RFX4: variants seen among roughly 807,000 people sequenced by gnomAD.
RFX4 encodes transcription factor RFX4.
Under a neutral mutation model 95.0 loss-of-function variants are expected in RFX4, and 10 were observed. The observed-to-expected ratio is 0.11, with a 90% confidence interval of 0.06 to 0.18. The LOEUF is 0.18. RFX4 is among the 10% of genes least tolerant of loss of function. The pLI, the probability that RFX4 is intolerant of heterozygous loss-of-function variation, is 1.00. For synonymous variants in RFX4, 321 were observed against 340.7 expected (o/e 0.94, Z 0.64); for missense variants, 640 against 922.0 (o/e 0.69, Z 3.96).
chr12:106,618,731 T>C (rs2040123556), intron 2 of RFX4, among the ~76,000 whole-genome samples: 1 of 152,208 alleles, frequency 6.6e-6, no homozygotes, highest in African/African-American at 2.4e-5. Context: ...ACCATTTAAA[T>C]TTAATATTGT....
At chr12:106,715,740 C>T (rs940723188) in intron 11 of RFX4, among the ~76,000 whole-genome samples, 196 bp downstream of exon 11, 1 of 152,194 alleles carries the variant, frequency 6.6e-6, no homozygotes, top group Non-Finnish European at 1.5e-5. Flanking sequence ...TGTGTCAACA[C>T]TGCTGGGTAA....
At chr12:106,609,145 T>C (rs1425838968) in intron 2 of RFX4, among the ~76,000 whole-genome samples, 3 of 152,236 alleles carry the variant, frequency 2.0e-5, no homozygotes, top group African/African-American at 7.2e-5. Flanking sequence ...CTAGCCTGCA[T>C]TCCCAAAAAC....
intron 8 of RFX4, among the ~76,000 whole-genome samples, chr12:106,708,622 G>A (rs1477076755): frequency 6.6e-6 from 1 of 152,130 alleles, no homozygotes; most frequent in Non-Finnish European, 1.5e-5. Flanking sequence ...CCCTGTGTCT[G>A]GCACAACCAA....
Position 106,705,081 on chromosome 12 carries a change from T to C in RFX4, c.834-4249T>C, listed in dbSNP as rs577301732. On this transcript the variant is annotated intron_variant, in intron 8 of 17. Coordinates refer to ENST00000392842, the MANE Select transcript of RFX4 (RefSeq NM_213594.3). ...ACTCCTGGCTCTGCCACTTGCTGCATCTCTTTGGACAAGTAAAATAACTTT... is the reference window on the plus strand; with the variant it reads ...ACTCCTGGCTCTGCCACTTGCTGCACCTCTTTGGACAAGTAAAATAACTTT... 2.6e-5 allele frequency among the ~76,000 whole-genome samples: 4 copies of C among 152,334 alleles called. No individual in the cohort carries two copies. The East Asian group carries it at 7.7e-4, about 29-fold the overall frequency.
intron 10 of RFX4, among the ~76,000 whole-genome samples, chr12:106,713,264 T>C (rs570990547): frequency 6.6e-6 from 1 of 152,298 alleles, no homozygotes; most frequent in Non-Finnish European, 1.5e-5. Context: ...ACGTCCAGGC[T>C]CTTTCAGATA....
chr12:106,614,525 T>C (rs550642404), intron 2 of RFX4, among the ~76,000 whole-genome samples: 1 of 106,094 alleles, frequency 9.4e-6, no homozygotes, highest in Admixed American at 1.0e-4. Flanking sequence ...GTGTGTTTGG[T>C]TGAGAAGGAG....
At chr12:106,623,110 C>T (rs1366698556) in intron 2 of RFX4, among the ~76,000 whole-genome samples, 1 of 146,982 alleles carries the variant, frequency 6.8e-6, no homozygotes, top group African/African-American at 2.5e-5. Flanking sequence ...ATGAAATCGG[C>T]TCACTGCAAG....
chr12:106,636,583 T>A (rs2040518390), intron 2 of RFX4, among the ~76,000 whole-genome samples: 1 of 152,070 alleles, frequency 6.6e-6, no homozygotes, highest in African/African-American at 2.4e-5. Flanking sequence ...ATGAGAAACA[T>A]CTATTTAGAA....
chr12:106,658,153 A>G (rs1045325903), intron 4 of RFX4, among the ~76,000 whole-genome samples: 5 of 152,194 alleles, frequency 3.3e-5, no homozygotes, highest in African/African-American at 1.2e-4. Context: ...TTATATTTAC[A>G]TTACTTGTCA....
chr12:106,621,865 C>T (rs889059587), intron 2 of RFX4, among the ~76,000 whole-genome samples: 5 of 152,188 alleles, frequency 3.3e-5, no homozygotes, highest in Non-Finnish European at 7.3e-5. Context: ...GGCTGTAGAG[C>T]TTACTTCTGG....
intron 5 of RFX4, chr12:106,684,623 T>C: frequency 7.9e-7 from 1 of 1,267,066 alleles, no homozygotes; most frequent in Non-Finnish European, 1.0e-6. Flanking sequence ...GGTGAACTTT[T>C]TAAGGTTACG....
At chr12:106,751,694 T>C (rs1053326562) in intron 17 of RFX4, among the ~76,000 whole-genome samples, 3 of 151,900 alleles carry the variant, frequency 2.0e-5, no homozygotes, top group Admixed American at 1.3e-4. Context: ...CCAGTGATGG[T>C]GAGCATTTTT....
chr12:106,646,222 G>A, intron 3 of RFX4, among the ~76,000 whole-genome samples: 1 of 151,924 alleles, frequency 6.6e-6, no homozygotes, highest in Non-Finnish European at 1.5e-5. Context: ...ATGGCAAAGT[G>A]CAGTAGAGAT....
intron 4 of RFX4, among the ~76,000 whole-genome samples, chr12:106,660,559 A>C (rs573392863): frequency 2.0e-5 from 3 of 152,262 alleles, no homozygotes; most frequent in African/African-American, 7.2e-5. Flanking sequence ...CTTTTCAGAA[A>C]GAACAACTGA....
At chr12:106,713,857 C>G (rs920392441) in intron 10 of RFX4, among the ~76,000 whole-genome samples, 31 of 151,962 alleles carry the variant, frequency 2.0e-4, no homozygotes, top group African/African-American at 7.0e-4. Flanking sequence ...CACTTGAGAT[C>G]AGGAGTTCAA....
intron 15 of RFX4, among the ~76,000 whole-genome samples, chr12:106,738,180 C>T (rs140633875): frequency 2.0e-5 from 3 of 152,180 alleles, no homozygotes; most frequent in Non-Finnish European, 2.9e-5. Flanking sequence ...CCTGTCATCA[C>T]CAGGGAGACA....
intron 1 of RFX4, chr12:106,601,158 C>T: frequency 6.8e-7 from 1 of 1,477,952 alleles, no homozygotes; most frequent in South Asian, 1.4e-5. Context: ...AACCCACTGA[C>T]CTGAGCCACC....
chr12:106,645,928 T>C, intron 3 of RFX4: 2 of 1,289,114 alleles, frequency 1.6e-6, no homozygotes, highest in Non-Finnish European at 2.0e-6. Flanking sequence ...CAGCTACAGA[T>C]GGAGAAAGGT....
At chr12:106,736,804 T>C (rs1026850558) in intron 15 of RFX4, among the ~76,000 whole-genome samples, 2 of 152,140 alleles carry the variant, frequency 1.3e-5, no homozygotes, top group African/African-American at 4.8e-5. Flanking sequence ...CCACCTCTCA[T>C]GGACATCCAC....
Sources: allele counts gnomAD v4.1 joint callset (sites outside exome capture counted in the v4.1 genomes callset), GRCh38; gene constraint gnomAD v4.1.1; transcripts MANE v1.5; gene names NCBI Gene and HGNC (gene_info 2026-07-23, HGNC 2026-07-21).